Variants in WNK3 observed in about 807,000 individuals in gnomAD.
WNK3 encodes serine/threonine-protein kinase WNK3.
WNK3 carries 18 observed loss-of-function variants against 116.7 expected under a neutral mutation model. That is an observed-to-expected ratio of 0.15 (90% CI 0.11 to 0.23). The LOEUF is 0.23. Ranked by LOEUF, WNK3 falls within the 10% of genes least tolerant of loss-of-function variation. WNK3 has a pLI of 1.00. For missense variants in WNK3, 993 were observed against 1,323.8 expected (o/e 0.75, Z 3.88); for synonymous variants, 404 against 469.4 (o/e 0.86, Z 1.80).
chrX:54,238,243 A>G, intron 19 of WNK3, 99 bp downstream of exon 19: 1 of 1,019,066 alleles, frequency 9.8e-7, no homozygotes, highest in Non-Finnish European at 1.3e-6. Context: ...AAAAAAAAAT[A>G]AAAACAAAAA....
chrX:54,216,292 A>AATATAT (rs782332737), intron 22 of WNK3, among the ~76,000 whole-genome samples: 11 of 99,130 alleles, frequency 1.1e-4, no homozygotes, highest in Non-Finnish European at 1.6e-4. Context: ...TAAATACTAA[A>AATATAT]ATATATATAT....
At chrX:54,318,657 C>T (rs1350021821) in intron 2 of WNK3, among the ~76,000 whole-genome samples, 4 of 109,193 alleles carry the variant, frequency 3.7e-5, no homozygotes, top group East Asian at 5.9e-4. Flanking sequence ...ACTATGGTCA[C>T]GCCACTGCAC....
At chrX:54,350,918 TCTC>T (rs782282360) in intron 1 of WNK3, among the ~76,000 whole-genome samples, 58 of 110,728 alleles carry the variant, frequency 5.2e-4, no homozygotes, top group African/African-American at 1.7e-3. Flanking sequence ...TATATAAAAA[TCTC>T]CTACATATAT....
chrX:54,244,586 T>A (rs1291353913), intron 17 of WNK3, among the ~76,000 whole-genome samples: 37 of 112,070 alleles, frequency 3.3e-4, no homozygotes, highest in Non-Finnish European at 1.1e-4. Context: ...AGAAAAAAAT[T>A]AAGCTGAAAG....
chrX:54,332,789 G>A (rs1438312025), intron 2 of WNK3, among the ~76,000 whole-genome samples: 1 of 106,700 alleles, frequency 9.4e-6, no homozygotes, highest in Non-Finnish European at 1.9e-5. Flanking sequence ...TTGGGAGGCT[G>A]AGGCGGCAGA....
chrX:54,352,139 G>C (rs1442051496), intron 1 of WNK3, among the ~76,000 whole-genome samples: 1 of 111,533 alleles, frequency 9.0e-6, no homozygotes. Context: ...AACACGCCAT[G>C]AGAAGATGCC....
At chrX:54,212,854 G>T (rs2067631241) in intron 22 of WNK3, among the ~76,000 whole-genome samples, 1 of 111,320 alleles carries the variant, frequency 9.0e-6, no homozygotes, top group Non-Finnish European at 1.9e-5. Context: ...AAATACAGAT[G>T]ATTACATATA....
intron 2 of WNK3, among the ~76,000 whole-genome samples, chrX:54,311,693 A>C (rs1250255793): frequency 8.9e-6 from 1 of 112,199 alleles, no homozygotes; most frequent in Non-Finnish European, 1.9e-5. Context: ...CTAGACATTT[A>C]ATCTAATTAA....
At chrX:54,258,233 G>A (rs1239943249) in intron 11 of WNK3, among the ~76,000 whole-genome samples, 3 of 94,994 alleles carry the variant, frequency 3.2e-5, no homozygotes, top group Non-Finnish European at 4.1e-5. Flanking sequence ...AGCCGAAATC[G>A]TGCCACTGCA....
rs781940135 is a variant in WNK3, at chrX:54,351,007, A to C, written c.-120+6679T>G. On this transcript the variant is annotated intron_variant, in intron 1 of 23. Transcript: ENST00000354646. ...TACATACTATTTGTGTTAAAAAAAA[A>C]CCCACAAAACTATGTATTTCTAAAT... Among the ~76,000 whole-genome samples, 529 of 111,062 alleles carry C rather than the reference A, an allele frequency of 4.8e-3. 5 individuals are homozygous for C. The highest frequency in any genetic ancestry group is 0.014 in the African/African-American group (442 of 30,621).
At chrX:54,318,040 G>A (rs1361436914) in intron 2 of WNK3, among the ~76,000 whole-genome samples, 1 of 110,151 alleles carries the variant, frequency 9.1e-6, no homozygotes, top group African/African-American at 3.3e-5. Context: ...TATACTTAAT[G>A]CCACTGAAAA....
At chrX:54,277,575 A>G (rs1432787936) in intron 10 of WNK3, among the ~76,000 whole-genome samples, 2 of 110,294 alleles carry the variant, frequency 1.8e-5, no homozygotes, top group Non-Finnish European at 3.8e-5. Context: ...TGACCTCATG[A>G]TCTGCCTGCC....
chrX:54,260,009 A>G (rs1483763573), intron 10 of WNK3, among the ~76,000 whole-genome samples: 2 of 111,817 alleles, frequency 1.8e-5, no homozygotes, highest in Non-Finnish European at 3.8e-5. Context: ...CTCATCTTCT[A>G]TAAGATTAAG....
At chrX:54,334,965 A>C (rs957119815) in intron 1 of WNK3, among the ~76,000 whole-genome samples, 7 of 111,737 alleles carry the variant, frequency 6.3e-5, no homozygotes, top group African/African-American at 1.9e-4. Context: ...CACAACATTA[A>C]AAATAACACT....
intron 10 of WNK3, among the ~76,000 whole-genome samples, chrX:54,277,177 C>A (rs1473591739): frequency 1.8e-5 from 2 of 110,819 alleles, no homozygotes; most frequent in African/African-American, 6.6e-5. Flanking sequence ...AGTTCATTCT[C>A]ACCACTCTTA....
chrX:54,198,331 G>C, exon 24 of WNK3: 1 of 1,186,639 alleles, frequency 8.4e-7, no homozygotes, highest in South Asian at 1.9e-5. Flanking sequence ...GATTCATTTA[G>C]GACCAGGAGG....
chrX:54,225,007 A>G (rs1168561980), intron 22 of WNK3, among the ~76,000 whole-genome samples: 4 of 110,643 alleles, frequency 3.6e-5, no homozygotes, highest in African/African-American at 1.3e-4. Flanking sequence ...CAACAACACC[A>G]GAATACATAC....
intron 2 of WNK3, among the ~76,000 whole-genome samples, chrX:54,328,290 T>C (rs1557173778): frequency 9.0e-6 from 1 of 111,192 alleles, no homozygotes; most frequent in Non-Finnish European, 1.9e-5. Context: ...AAATTGTACA[T>C]TACAAACTGC....
At chrX:54,316,112 ATGTT>A (rs2068952385) in intron 2 of WNK3, among the ~76,000 whole-genome samples, 2 of 111,475 alleles carry the variant, frequency 1.8e-5, no homozygotes, top group Admixed American at 1.9e-4. Context: ...TATAGATGGA[ATGTT>A]TGTGTCCTCT....
Sources: gnomAD v4.1 joint callset for allele counts (sites outside exome capture counted in the v4.1 genomes callset) on GRCh38, gnomAD v4.1.1 for gene constraint, MANE v1.5 for transcripts, NCBI Gene and HGNC (gene_info 2026-07-23, HGNC 2026-07-21) for gene names.